SEMA5B: variants seen among roughly 807,000 people sequenced by gnomAD.
SEMA5B encodes semaphorin 5B, also known as semaphorin-5B.
SEMA5B carries 66 observed loss-of-function variants against 135.0 expected under a neutral mutation model. That is an observed-to-expected ratio of 0.49 (90% confidence interval 0.40 to 0.60). SEMA5B has a LOEUF of 0.60. Among genes scored for constraint, SEMA5B ranks in the 20% least tolerant of loss-of-function variants. The pLI is 0.00. For synonymous variants in SEMA5B, 690 were observed against 639.5 expected (o/e 1.08, Z -1.19); for missense variants, 1,501 against 1,566.3 (o/e 0.96, Z 0.70).
intron 1 of SEMA5B, among the ~76,000 whole-genome samples, chr3:122,972,510 G>A (rs1941162712): frequency 6.6e-6 from 1 of 152,136 alleles, no homozygotes; most frequent in Non-Finnish European, 1.5e-5. Context: ...ATTAAAAATT[G>A]TTCTTGAATC....
intron 1 of SEMA5B, among the ~76,000 whole-genome samples, chr3:122,963,835 C>T (rs1184440851): frequency 2.6e-5 from 4 of 152,134 alleles, no homozygotes; most frequent in Admixed American, 2.0e-4. Context: ...GTTCTTTCTA[C>T]CCTCTCAGTT....
chr3:122,927,165 A>C (rs569503145), intron 8 of SEMA5B, among the ~76,000 whole-genome samples: 1 of 152,186 alleles, frequency 6.6e-6, no homozygotes, highest in Non-Finnish European at 1.5e-5. Flanking sequence ...TAGGAAACTC[A>C]TATGGCCCTT....
intron 2 of SEMA5B, among the ~76,000 whole-genome samples, chr3:122,950,972 C>A (rs1354257574): frequency 1.3e-5 from 2 of 152,162 alleles, no homozygotes; most frequent in Non-Finnish European, 2.9e-5. Flanking sequence ...CTTGCTCTGT[C>A]TCCCAGGTTG....
At position 122,923,614 on chromosome 3, in the gene SEMA5B, T is replaced by C; in HGVS notation, c.1272+3A>G. ...GACAGGGAAAGAGGAGGAGATTCTGTACCTGGAAATTGGGGATGGGGTTGG... is the reference window on the plus strand; with the variant it reads ...GACAGGGAAAGAGGAGGAGATTCTGCACCTGGAAATTGGGGATGGGGTTGG... On this transcript the variant is annotated splice_donor_region_variant and intron_variant, in intron 10 of 22. Transcript: ENST00000357599. 1 of 1,613,954 alleles carries C rather than the reference T, an allele frequency of 6.2e-7. No homozygotes were observed. Among genetic ancestry groups the C allele is most frequent in the Non-Finnish European group, 8.5e-7 (1 of 1,179,954 alleles).
intron 2 of SEMA5B, 131 bp downstream of exon 2, chr3:122,961,009 G>T: frequency 1.1e-6 from 1 of 939,780 alleles, no homozygotes; most frequent in Non-Finnish European, 1.6e-6. Flanking sequence ...AAAAGGAAGA[G>T]CTGCTCAAAT....
At position 122,922,344 on chromosome 3, in the gene SEMA5B, G is replaced by T. The variant is rs1560298296; in HGVS notation, c.1376C>A (p.Thr459Lys). The T allele has an allele frequency of 6.2e-7, 1 of 1,613,746 alleles. No individual in the cohort carries two copies. The highest frequency in any genetic ancestry group is 2.2e-5 in the East Asian group (1 of 44,872). ...GTCCTGGGTGACACAGGGCTCGGGTGTCACCGGCTGCACGGCCTCGCTCAT... is the reference window on the plus strand; with the variant it reads ...GTCCTGGGTGACACAGGGCTCGGGTTTCACCGGCTGCACGGCCTCGCTCAT... ...FLMSEAVQPVTPEPCVTQDSV... is the reference protein window; with the variant it reads ...FLMSEAVQPVKPEPCVTQDSV... The change falls in exon 11 of 23, where the codon ACA becomes AAA. Residue 459 changes from threonine (T) to lysine (K), a missense_variant. Thr to Lys is a moderately conservative substitution (Grantham distance 78, BLOSUM62 -1). Around this residue, in one of 2 missense-constraint regions of SEMA5B, gnomAD observed 574 missense variants for 684.7 expected, o/e 0.84. Transcript: ENST00000357599.
At chr3:122,961,573 C>A (rs1940584398) in intron 1 of SEMA5B, among the ~76,000 whole-genome samples, 1 of 152,104 alleles carries the variant, frequency 6.6e-6, no homozygotes, top group South Asian at 2.1e-4. Flanking sequence ...GATCCTCCTG[C>A]CTCAGCCCCC....
At chr3:122,972,665 C>A (rs577150998) in intron 1 of SEMA5B, among the ~76,000 whole-genome samples, 1 of 152,158 alleles carries the variant, frequency 6.6e-6, no homozygotes, top group Non-Finnish European at 1.5e-5. Flanking sequence ...TGGGATGCTG[C>A]GCTGGGTGCA....
chr3:123,004,344 G>A (rs11715232), intron 1 of SEMA5B, among the ~76,000 whole-genome samples: 13,384 of 152,296 alleles, frequency 0.088, 778 homozygotes, highest in Middle Eastern at 0.14. Context: ...AAAGGAAAGA[G>A]CAGGCACAAA....
chr3:123,002,151 A>G (rs60724995), intron 1 of SEMA5B, among the ~76,000 whole-genome samples: 10,343 of 152,264 alleles, frequency 0.068, 429 homozygotes, highest in East Asian at 0.16. Context: ...AACCCATTGG[A>G]TCATGGGGAG....
chr3:122,921,677 A>T (rs1938351562), intron 12 of SEMA5B, among the ~76,000 whole-genome samples: 1 of 152,252 alleles, frequency 6.6e-6, no homozygotes, highest in Non-Finnish European at 1.5e-5. Flanking sequence ...TGCTAAGCAC[A>T]CACTTCCTCC....
chr3:123,014,727 C>A (rs1340826503), intron 1 of SEMA5B, among the ~76,000 whole-genome samples: 2 of 152,188 alleles, frequency 1.3e-5, no homozygotes, highest in Admixed American at 6.5e-5. Flanking sequence ...TCTTCATCAG[C>A]TGGAAAGGTT....
chr3:123,025,852 C>T (rs1288788629), intron 1 of SEMA5B, among the ~76,000 whole-genome samples: 1 of 152,208 alleles, frequency 6.6e-6, no homozygotes, highest in Non-Finnish European at 1.5e-5. Flanking sequence ...ATCTAGACTT[C>T]GGGAAAGGTA....
intron 1 of SEMA5B, among the ~76,000 whole-genome samples, chr3:122,992,170 C>G (rs923587259): frequency 6.6e-6 from 1 of 152,160 alleles, no homozygotes; most frequent in Non-Finnish European, 1.5e-5. Context: ...TAAGTGGGGA[C>G]CCACCACTGT....
At chr3:122,941,345 G>A (rs1216151224) in intron 4 of SEMA5B, among the ~76,000 whole-genome samples, 1 of 152,226 alleles carries the variant, frequency 6.6e-6, no homozygotes, top group Non-Finnish European at 1.5e-5. Flanking sequence ...CTTTGTGTGG[G>A]AAGCCTCCAG....
chr3:122,968,328 A>G lies in SEMA5B; in HGVS notation c.-38-7027T>C, dbSNP rs1940961147. 2.0e-5 allele frequency among the ~76,000 whole-genome samples: 3 copies of G among 152,186 alleles called. No individual in the cohort carries two copies. In the South Asian group the frequency reaches 6.2e-4, roughly 31 times the overall value. On this transcript the variant is annotated intron_variant, in intron 1 of 22. Coordinates refer to ENST00000357599, the MANE Select transcript of SEMA5B (RefSeq NM_001031702.4). ...GGTCTGCTTTATTCTCCTCTGGACCATTTACACAGGTGAAGAGACAGAAAT... is the reference window on the plus strand; with the variant it reads ...GGTCTGCTTTATTCTCCTCTGGACCGTTTACACAGGTGAAGAGACAGAAAT...
chr3:122,913,544 C>A lies in SEMA5B; in HGVS notation c.2270G>T (p.Gly757Val). The change falls in exon 16 of 23, where the codon GGC becomes GTC. Residue 757 changes from glycine (G) to valine (V), a missense_variant. By Grantham distance (109) the Gly-to-Val change is moderately radical. Coordinates refer to ENST00000357599, the MANE Select transcript of SEMA5B (RefSeq NM_001031702.4). ...GGCCCCAACCCTCACCACGCCGCAG[C>A]CCAGGCAGGAGTTGCCGTTCTCGCA... ...RACENGNSCLGCGVEFKTCNP... is the reference protein window; with the variant it reads ...RACENGNSCLVCGVEFKTCNP... 6.2e-7 allele frequency: 1 copy of A among 1,612,010 alleles called. No homozygotes were observed. The highest frequency in any genetic ancestry group is 8.5e-7 in the Non-Finnish European group (1 of 1,179,672).
chr3:122,994,592 C>G (rs992450598), intron 1 of SEMA5B, among the ~76,000 whole-genome samples: 5 of 152,126 alleles, frequency 3.3e-5, no homozygotes, highest in Non-Finnish European at 7.4e-5. Context: ...GGAGACAGAT[C>G]ACCACAGGCT....
At position 122,943,467 on chromosome 3, in the gene SEMA5B, G is replaced by T; in HGVS notation, c.397C>A (p.Pro133Thr). The change falls in exon 4 of 23, where the codon CCC (proline) becomes ACC (threonine). Residue 133 changes from proline to threonine, a missense_variant. Coordinates refer to ENST00000357599, the MANE Select transcript of SEMA5B (RefSeq NM_001031702.4). Reference protein sequence around the residue: ...ARDFSQLALDPSGNQLIVGAR... With the variant: ...ARDFSQLALDTSGNQLIVGAR... Reference sequence around the variant, plus strand: ...CCCACGATGAGCTGGTTCCCGGAGGGGTCCAAAGCCAGCTGGGAGAAATCC... The same window carrying T: ...CCCACGATGAGCTGGTTCCCGGAGGTGTCCAAAGCCAGCTGGGAGAAATCC... 6.2e-7 allele frequency: 1 copy of T among 1,609,382 alleles called. No individual in the cohort carries two copies. The highest frequency in any genetic ancestry group is 2.2e-5 in the East Asian group (1 of 44,732).
Sources: gnomAD v4.1 joint callset for allele counts (sites outside exome capture counted in the v4.1 genomes callset) on GRCh38, gnomAD v4.1.1 for gene constraint, gnomAD v4.1.1 regional missense constraint, MANE v1.5 for transcripts, NCBI Gene and HGNC (gene_info 2026-07-23, HGNC 2026-07-21) for gene names.